KDM4C: variants seen among roughly 807,000 people sequenced by gnomAD.
KDM4C encodes lysine demethylase 4C.
In KDM4C, 81 loss-of-function variants were observed where a neutral mutation model predicts 129.3. That is an observed-to-expected ratio of 0.63 (90% CI 0.52 to 0.75). The LOEUF is 0.75. Ranked by LOEUF, KDM4C falls within the 30% of genes least tolerant of loss-of-function variation. KDM4C has a pLI of 0.00. For synonymous variants in KDM4C, 573 were observed against 456.1 expected (o/e 1.26, Z -3.26); for missense variants, 1,457 against 1,304.0 (o/e 1.12, Z -1.81).
chr9:7,041,543 A>T (rs1828607833), intron 15 of KDM4C, among the ~76,000 whole-genome samples: 2 of 150,828 alleles, frequency 1.3e-5, no homozygotes, highest in South Asian at 4.2e-4. Flanking sequence ...ATCATAAATG[A>T]TTTTTTTTTG....
At position 6,926,878 on chromosome 9, in the gene KDM4C, G is replaced by C. The variant is rs554495594; in HGVS notation, c.921+33646G>C. Among the ~76,000 whole-genome samples, 5 of 152,176 alleles carry C rather than the reference G, an allele frequency of 3.3e-5. No individual in the cohort carries two copies. In the South Asian group the frequency reaches 1.0e-3, roughly 32 times the overall value. On this transcript the variant is annotated intron_variant, in intron 8 of 21. Coordinates refer to ENST00000381309, the MANE Select transcript of KDM4C (RefSeq NM_015061.6). ...TTGACTGCATTACTGTCCTTTAATT[G>C]TTGCTTATTTTCTTATTCATAAACA...
intron 17 of KDM4C, among the ~76,000 whole-genome samples, chr9:7,092,911 TAGAG>T (rs1392912637): frequency 6.6e-6 from 1 of 152,060 alleles, no homozygotes; most frequent in African/African-American, 2.4e-5. Context: ...CATTAAGAAA[TAGAG>T]GGAGAATGGA....
intron 8 of KDM4C, among the ~76,000 whole-genome samples, chr9:6,946,826 A>G (rs879394523): frequency 6.6e-6 from 1 of 152,112 alleles, no homozygotes; most frequent in Non-Finnish European, 1.5e-5. Flanking sequence ...GAATTATTAA[A>G]TAATTCTAAA....
chr9:7,155,410 A>T (rs1026911706), intron 19 of KDM4C, among the ~76,000 whole-genome samples: 1 of 151,910 alleles, frequency 6.6e-6, no homozygotes, highest in East Asian at 1.9e-4. Context: ...CACAATGTGC[A>T]GGTTTGATAC....
rs1359799260 is a variant in KDM4C at position 6,916,840 on chromosome 9, G to A, written c.921+23608G>A. 4.6e-5 allele frequency among the ~76,000 whole-genome samples: 7 copies of A among 152,088 alleles called. No individual in the cohort carries two copies. In the South Asian group the frequency reaches 8.3e-4, roughly 18 times the overall value. On this transcript the variant is annotated intron_variant, in intron 8 of 21. Coordinates refer to ENST00000381309, the MANE Select transcript of KDM4C (RefSeq NM_015061.6). ...TCACCTTTGAATAGGTTCTATTTTGGCTAAGCAACTTTCAAAGCAACAGCA... is the reference window on the plus strand; with the variant it reads ...TCACCTTTGAATAGGTTCTATTTTGACTAAGCAACTTTCAAAGCAACAGCA...
chr9:7,175,222 T>A lies in KDM4C; in HGVS notation c.*493T>A, dbSNP rs1845335615. 2 of 154,082 alleles carry A rather than the reference T, an allele frequency of 1.3e-5. No homozygotes were observed. Among genetic ancestry groups the A allele is most frequent in the Non-Finnish European group, 2.9e-5 (2 of 68,936 alleles). The allele number at this position is 154,082 out of a possible 1,614,324, so 9.5% of individuals were successfully genotyped here. On this transcript the variant is annotated 3_prime_UTR_variant, in exon 22 of 22. Coordinates refer to ENST00000381309, the MANE Select transcript of KDM4C (RefSeq NM_015061.6). Reference sequence around the variant, plus strand: ...AATTGCAGTTTTTATAAAACATTTTTAAAACACAAATGGCATGTATGCTAA... The same window carrying A: ...AATTGCAGTTTTTATAAAACATTTTAAAAACACAAATGGCATGTATGCTAA...
chr9:7,144,223 T>G (rs1302418797), intron 19 of KDM4C, among the ~76,000 whole-genome samples: 1 of 152,090 alleles, frequency 6.6e-6, no homozygotes, highest in Non-Finnish European at 1.5e-5. Flanking sequence ...ACTCAAACTT[T>G]GGGAGGCCAA....
At chr9:6,911,073 T>A (rs1246926231) in intron 8 of KDM4C, among the ~76,000 whole-genome samples, 4 of 152,182 alleles carry the variant, frequency 2.6e-5, no homozygotes, top group Admixed American at 2.6e-4. Flanking sequence ...ATCTTTATTT[T>A]AAAATATTTC....
At position 6,922,880 on chromosome 9, in the gene KDM4C, C is replaced by CT. The variant is rs1325123354; in HGVS notation, c.921+29649dup. ...GGAAGAGATGCTTATCTCTCCCTCTCTGACTCAAGCCACTTAAACTGTGCG... is the reference window on the plus strand; with the variant it reads ...GGAAGAGATGCTTATCTCTCCCTCTCTTGACTCAAGCCACTTAAACTGTGCG... On this transcript the variant is annotated intron_variant, in intron 8 of 21. Transcript: ENST00000381309. Among the ~76,000 whole-genome samples, 2 of 152,364 alleles carry CT rather than the reference C, an allele frequency of 1.3e-5. 1 individual carries two copies. Among genetic ancestry groups the CT allele is most frequent in the Middle Eastern group, 6.8e-3 (2 of 294 alleles).
chr9:6,738,428 C>A (rs985028324), intron 1 of KDM4C, among the ~76,000 whole-genome samples: 1 of 152,078 alleles, frequency 6.6e-6, no homozygotes, highest in East Asian at 1.9e-4. Flanking sequence ...TTAGCAGAAA[C>A]CATGCCACTG....
intron 21 of KDM4C, among the ~76,000 whole-genome samples, chr9:7,173,676 T>G (rs1427346496): frequency 6.6e-6 from 1 of 152,102 alleles, no homozygotes; most frequent in Middle Eastern, 3.2e-3. Context: ...CTACAGTGCC[T>G]TTAGGTTTCT....
At chr9:6,863,639 A>G (rs1000100758) in intron 5 of KDM4C, among the ~76,000 whole-genome samples, 3 of 152,150 alleles carry the variant, frequency 2.0e-5, no homozygotes, top group South Asian at 4.2e-4. Context: ...TACTAAAAAT[A>G]CAAAAAATTA....
chr9:6,990,518 G>A lies in KDM4C; in HGVS notation c.1780G>A (p.Asp594Asn), dbSNP rs1486902962. 1.3e-6 allele frequency: 2 copies of A among 1,595,762 alleles called. No homozygotes were observed. The highest frequency in any genetic ancestry group is 1.7e-6 in the Non-Finnish European group (2 of 1,167,878). ...MTLVKQQAPS[D>N]EELPEVLSIE... ...TCTTGTGAAGCAGCAGGCGCCAAGTGATGAAGGTGAGATGGTGACCCTTTT... is the reference window on the plus strand; with the variant it reads ...TCTTGTGAAGCAGCAGGCGCCAAGTAATGAAGGTGAGATGGTGACCCTTTT... The change falls in exon 12 of 22, where the codon GAT becomes AAT. Residue 594 changes from aspartate (D) to asparagine (N), a missense_variant. Physicochemically the swap from Asp to Asn is conservative, Grantham distance 23 (BLOSUM62 1). Transcript: ENST00000381309.
intron 1 of KDM4C, among the ~76,000 whole-genome samples, chr9:6,768,581 A>G (rs1207398199): frequency 1.3e-5 from 2 of 152,012 alleles, no homozygotes. Flanking sequence ...ATATTTCACT[A>G]TTTGTTATAG....
intron 4 of KDM4C, among the ~76,000 whole-genome samples, chr9:6,842,015 G>T (rs767170121): frequency 9.2e-5 from 14 of 152,316 alleles, no homozygotes; most frequent in African/African-American, 1.4e-4. Flanking sequence ...TCATGGAACA[G>T]AGAGATAAAA....
rs12351871 is a variant in KDM4C, at chr9:6,790,682, A to G, written c.-17-2290A>G. On this transcript the variant is annotated intron_variant, in intron 1 of 21. Coordinates refer to ENST00000381309, the MANE Select transcript of KDM4C (RefSeq NM_015061.6). ...AAAAAAAAAAAAAAAAAAAAAAAAA[A>G]GAGGAAAACTTTTTTCCAGGAGGAT... Among the ~76,000 whole-genome samples the G allele has an allele frequency of 5.4e-3, 609 of 113,126 alleles. 12 individuals are homozygous for G. Among genetic ancestry groups the G allele is most frequent in the South Asian group, 8.0e-3 (27 of 3,392 alleles). The allele number at this position is 113,126 out of a possible 152,430, so 74.2% of individuals were successfully genotyped here.
intron 17 of KDM4C, among the ~76,000 whole-genome samples, chr9:7,083,710 G>GGTTGTGTGT (rs1257662179): frequency 1.5e-5 from 1 of 65,480 alleles, no homozygotes; most frequent in East Asian, 3.5e-4. Context: ...GCACATGACT[G>GGTTGTGTGT]ATGTGTGTGT....
At chr9:6,945,719 T>C (rs1311680275) in intron 8 of KDM4C, among the ~76,000 whole-genome samples, 1 of 152,200 alleles carries the variant, frequency 6.6e-6, no homozygotes, top group East Asian at 1.9e-4. Flanking sequence ...TAGTAACTGA[T>C]TGAGCTTGGC....
Position 6,792,892 on chromosome 9 carries a change from G to T in KDM4C, c.-17-80G>T, listed in dbSNP as rs1826963743. 18 of 1,369,606 alleles carry T rather than the reference G, an allele frequency of 1.3e-5. No homozygotes were observed. The South Asian group carries it at 2.2e-4, about 17-fold the overall frequency. The allele number at this position is 1,369,606 out of a possible 1,614,324, so 84.8% of individuals were successfully genotyped here. On this transcript the variant is annotated intron_variant, in intron 1 of 21. Coordinates refer to ENST00000381309, the MANE Select transcript of KDM4C (RefSeq NM_015061.6). Reference sequence around the variant, plus strand: ...CTGAAAGAGAAGGGTTCCTGCTGGGGGAGCTGACATACTATTTGTTAAAAA... The same window carrying T: ...CTGAAAGAGAAGGGTTCCTGCTGGGTGAGCTGACATACTATTTGTTAAAAA...
Sources: gnomAD v4.1 joint callset for allele counts (sites outside exome capture counted in the v4.1 genomes callset) on GRCh38, gnomAD v4.1.1 for gene constraint, MANE v1.5 for transcripts, NCBI Gene and HGNC (gene_info 2026-07-23, HGNC 2026-07-21) for gene names.